The following TUSC3 variants were observed in gnomAD, a reference collection of about 807,000 sequenced individuals.
The protein encoded by TUSC3 is dolichyl-diphosphooligosaccharide--protein glycosyltransferase subunit TUSC3.
TUSC3 carries 45 observed loss-of-function variants against 44.8 expected under a neutral mutation model. The ratio of observed to expected loss-of-function variants is 1.00; its 90% confidence interval spans 0.79 to 1.29. The LOEUF (loss-of-function observed/expected upper bound fraction) is 1.29, where lower values mean the gene tolerates loss of function less well. Ranked by LOEUF, TUSC3 falls within the 50% of genes most tolerant of loss-of-function variation. The pLI, the probability that TUSC3 is intolerant of heterozygous loss-of-function variation, is 0.00. For synonymous variants in TUSC3, 212 were observed against 152.9 expected, an observed-to-expected ratio of 1.39 and a Z score of -2.85; for missense variants, 519 against 437.9, an observed-to-expected ratio of 1.19 and a Z score of -1.65.
chr8:15,614,327 C>G (rs1040611572), intron 1 of TUSC3, among the ~76,000 whole-genome samples: 1 of 152,014 alleles, frequency 6.6e-6, no homozygotes, highest in African/African-American at 2.4e-5. Context: ...AACATGCACT[C>G]ATTTAAGTGT....
intron 2 of TUSC3, among the ~76,000 whole-genome samples, chr8:15,486,068 C>G (rs1170098401): frequency 6.6e-6 from 1 of 152,126 alleles, no homozygotes; most frequent in African/African-American, 2.4e-5. Context: ...TGCCTGATTA[C>G]AGACATGAGC....
intron 6 of TUSC3, among the ~76,000 whole-genome samples, chr8:15,713,389 CATT>C (rs1294998720): frequency 6.6e-6 from 1 of 152,080 alleles, no homozygotes; most frequent in African/African-American, 2.4e-5. Flanking sequence ...GTGTTACTGT[CATT>C]GTTCAAAAGA....
chr8:15,818,464 T>C, the TUSC3 span, among the ~76,000 whole-genome samples: 1 of 152,310 alleles, frequency 6.6e-6, no homozygotes, highest in South Asian at 2.1e-4. Context: ...AAATTGAGTG[T>C]TCTTAGATCT....
intron 1 of TUSC3, among the ~76,000 whole-genome samples, chr8:15,552,251 G>C (rs971472098): frequency 1.3e-4 from 19 of 151,894 alleles, no homozygotes; most frequent in East Asian, 9.7e-4. Context: ...AAAGTGCCAA[G>C]TTATTGAAGT....
chr8:15,544,657 A>C (rs377667214), intron 1 of TUSC3, among the ~76,000 whole-genome samples: 1 of 151,848 alleles, frequency 6.6e-6, no homozygotes, highest in Admixed American at 6.6e-5. Context: ...AGACTTTACT[A>C]TCTTAGCAAA....
chr8:15,777,459 T>A, the TUSC3 span, among the ~76,000 whole-genome samples: 1 of 152,216 alleles, frequency 6.6e-6, no homozygotes, highest in Non-Finnish European at 1.5e-5. Context: ...TACATCCCCA[T>A]GTATGCTGCT....
intron 6 of TUSC3, among the ~76,000 whole-genome samples, chr8:15,709,068 A>G (rs1279548211): frequency 6.6e-6 from 1 of 151,902 alleles, no homozygotes; most frequent in East Asian, 1.9e-4. Context: ...TGGAAGGCAG[A>G]TATAAAAATG....
the TUSC3 span, among the ~76,000 whole-genome samples, chr8:15,850,797 A>G: frequency 2.0e-5 from 3 of 152,246 alleles, no homozygotes; most frequent in African/African-American, 7.2e-5. Context: ...TGAGTGTGCT[A>G]TATATTGTGA....
At chr8:15,535,434 A>T (rs1420405287), upstream of TUSC3, among the ~76,000 whole-genome samples, 3 of 152,228 alleles carry the variant, frequency 2.0e-5, no homozygotes, top group Admixed American at 6.5e-5. Context: ...TACTCATTCA[A>T]CAAGTGCTGT....
chr8:15,450,018 A>G (rs1800172881), intron 1 of TUSC3, among the ~76,000 whole-genome samples: 1 of 152,050 alleles, frequency 6.6e-6, no homozygotes, highest in Non-Finnish European at 1.5e-5. Flanking sequence ...AGGTTTTTCT[A>G]AGTTCCCTCT....
At chr8:15,458,396 A>G (rs1399186988) in intron 1 of TUSC3, among the ~76,000 whole-genome samples, 2 of 151,956 alleles carry the variant, frequency 1.3e-5, no homozygotes, top group Non-Finnish European at 2.9e-5. Flanking sequence ...ATGCTACCAC[A>G]CTTGGATAAT....
chr8:15,846,503 T>A, the TUSC3 span, among the ~76,000 whole-genome samples: 3 of 152,102 alleles, frequency 2.0e-5, no homozygotes, highest in Non-Finnish European at 4.4e-5. Flanking sequence ...GTTGCAAATA[T>A]ACACCAAGGA....
intron 1 of TUSC3, among the ~76,000 whole-genome samples, chr8:15,464,334 A>G (rs1364863840): frequency 3.3e-5 from 5 of 152,312 alleles, no homozygotes; most frequent in Admixed American, 3.3e-4. Flanking sequence ...AGGAATAACC[A>G]TATGGTTATA....
At chr8:15,457,282 G>A (rs1337575143) in intron 1 of TUSC3, among the ~76,000 whole-genome samples, 3 of 151,662 alleles carry the variant, frequency 2.0e-5, no homozygotes, top group African/African-American at 7.3e-5. Context: ...AAACCTGAAC[G>A]TTGTGCACAA....
chr8:15,512,864 ATGTG>A (rs1193295674), intron 2 of TUSC3, among the ~76,000 whole-genome samples: 2 of 82,822 alleles, frequency 2.4e-5, no homozygotes, highest in African/African-American at 6.2e-5. Context: ...GTGTATATAT[ATGTG>A]TGTGTATATA....
chr8:15,486,603 C>A (rs1227504108), intron 2 of TUSC3, among the ~76,000 whole-genome samples: 1 of 152,024 alleles, frequency 6.6e-6, no homozygotes, highest in African/African-American at 2.4e-5. Context: ...CGCCACCATG[C>A]CCTGCTAATT....
chr8:15,488,249 T>C (rs1290521838), intron 2 of TUSC3, among the ~76,000 whole-genome samples: 2 of 151,776 alleles, frequency 1.3e-5, no homozygotes, highest in African/African-American at 4.8e-5. Context: ...CTCAGACCTA[T>C]AATCCTAGCA....
intron 1 of TUSC3, among the ~76,000 whole-genome samples, chr8:15,455,643 A>G (rs1029509237): frequency 2.0e-5 from 3 of 152,206 alleles, no homozygotes; most frequent in African/African-American, 7.2e-5. Flanking sequence ...CTTCTAGCCA[A>G]TGAGACCACC....
In TUSC3 at chr8:15,732,187, C is replaced by G. The variant is rs540670395; in HGVS notation, c.862+1458C>G. Among the ~76,000 whole-genome samples the G allele has an allele frequency of 5.9e-5, 9 of 152,176 alleles. No individual in the cohort carries two copies. The East Asian group carries it at 1.7e-3, about 29-fold the overall frequency. On this transcript the variant is annotated intron_variant, in intron 7 of 10. Coordinates refer to ENST00000503731, the MANE Select transcript of TUSC3 (RefSeq NM_006765.4). Reference sequence around the variant, plus strand: ...TAAATACGTATATATGGGTTGATTCCTTAGTGATATGGTTTGGCTCTGTGT... The same window carrying G: ...TAAATACGTATATATGGGTTGATTCGTTAGTGATATGGTTTGGCTCTGTGT...
Sources: gnomAD v4.1 joint callset for allele counts (sites outside exome capture counted in the v4.1 genomes callset) on GRCh38, gnomAD v4.1.1 for gene constraint, MANE v1.5 for transcripts, NCBI Gene and HGNC (gene_info 2026-07-23, HGNC 2026-07-21) for gene names.